ZDHHC11: variants seen among roughly 807,000 people sequenced by gnomAD.
The protein encoded by ZDHHC11 is zDHHC palmitoyltransferase 11.
A neutral mutation model predicts 51.3 loss-of-function variants in ZDHHC11; 44 were observed. The ratio of observed to expected loss-of-function variants is 0.86; its 90% CI spans 0.67 to 1.10. ZDHHC11 has a LOEUF of 1.10. Among genes scored for constraint, ZDHHC11 ranks in the 50% least tolerant of loss-of-function variants. The pLI, the probability that ZDHHC11 is intolerant of heterozygous loss-of-function variation, is 0.00. For missense variants in ZDHHC11, 400 were observed against 537.7 expected (o/e 0.74, Z 2.53); for synonymous variants, 163 against 222.0 (o/e 0.73, Z 2.36).
chr5:816,832 AC>A (rs1401949988), intron 10 of ZDHHC11: 19 of 473,606 alleles, frequency 4.0e-5, no homozygotes, highest in Admixed American at 2.2e-4. Context: ...TGGCAGATAC[AC>A]CCTGAAGCTG....
chr5:842,132 A>G (rs1419359647), intron 4 of ZDHHC11: 12 of 986,458 alleles, frequency 1.2e-5, no homozygotes, highest in Non-Finnish European at 1.4e-5. Flanking sequence ...GCCACAATCA[A>G]TGAATTCACA....
chr5:819,579 C>T lies in ZDHHC11; in HGVS notation c.1092G>A (p.Arg364=), dbSNP rs140350751. Residue 364 remains arginine, a synonymous_variant, in exon 10 of 13, where the codon AGG becomes AGA. Coordinates refer to ENST00000283441, the MANE Select transcript of ZDHHC11 (RefSeq NM_024786.3). ...CACGAGTGGAGAACTGACACAGGCG[C>T]CTGCAAATCAGCCGGGAGTTCCTGG... ...AKARNSRLIC[R]RLCQFSTRVH... is the part of the protein sequence containing the mutation. 1.2e-4 allele frequency: 193 copies of T among 1,609,690 alleles called. 1 individual carries two copies. The highest frequency in any genetic ancestry group is 8.3e-4 in the Admixed American group (50 of 59,884).
chr5:858,935 A>G (rs1051408712), exon 1 of ZDHHC11, among the ~76,000 whole-genome samples: 1 of 152,082 alleles, frequency 6.6e-6, no homozygotes, highest in Non-Finnish European at 1.5e-5. Context: ...GAAGAGCAAG[A>G]GAAAAGCAGC....
At chr5:853,740 G>A (rs1311530094), upstream of ZDHHC11, among the ~76,000 whole-genome samples, 5 of 145,156 alleles carry the variant, frequency 3.4e-5, no homozygotes, top group Non-Finnish European at 6.0e-5. Context: ...GAGCTGGGGA[G>A]ACAGATCCCA....
chr5:847,802 G>A, intron 2 of ZDHHC11, 187 bp from the exon 3 acceptor site: 1 of 566,286 alleles, frequency 1.8e-6, no homozygotes, highest in East Asian at 3.2e-5. Context: ...AGGAGAAGCA[G>A]GGCAGCTGTG....
intron 11 of ZDHHC11, among the ~76,000 whole-genome samples, chr5:814,093 A>T (rs1454012206): frequency 1.4e-5 from 2 of 143,022 alleles, no homozygotes; most frequent in Non-Finnish European, 3.0e-5. Context: ...CATTTTATGG[A>T]AAGAAAAATG....
intron 9 of ZDHHC11, chr5:821,271 C>CGGCGACATTGG (rs1440530138): frequency 2.6e-5 from 4 of 151,794 alleles, no homozygotes; most frequent in Non-Finnish European, 4.4e-5. Flanking sequence ...CAACAGTGTA[C>CGGCGACATTGG]GGCGACATTG....
chr5:801,807 T>G (rs556207926), intron 11 of ZDHHC11, among the ~76,000 whole-genome samples: 3 of 151,188 alleles, frequency 2.0e-5, no homozygotes, highest in South Asian at 2.1e-4. Context: ...TTGAAAGATT[T>G]TGAAAGACCC....
chr5:838,550 A>G (rs555671303), intron 5 of ZDHHC11, among the ~76,000 whole-genome samples: 11 of 152,146 alleles, frequency 7.2e-5, no homozygotes, highest in African/African-American at 2.6e-4. Flanking sequence ...TGTGAGGTAG[A>G]GAAGAAGCTC....
intron 5 of ZDHHC11, among the ~76,000 whole-genome samples, chr5:838,160 G>T (rs1258340355): frequency 1.3e-5 from 2 of 151,944 alleles, no homozygotes; most frequent in Admixed American, 6.6e-5. Context: ...GCCCTGCACA[G>T]TGCCCACAGG....
chr5:807,925 C>G (rs1186152995), intron 11 of ZDHHC11, among the ~76,000 whole-genome samples: 1 of 151,046 alleles, frequency 6.6e-6, no homozygotes, highest in Non-Finnish European at 1.5e-5. Context: ...TGGGGGATAT[C>G]AGAGCAACAG....
chr5:849,866 G>A (rs998087780), intron 1 of ZDHHC11: 1 of 159,346 alleles, frequency 6.3e-6, no homozygotes, highest in Admixed American at 6.0e-5. Context: ...GGAGTGCGGG[G>A]CCCTCCAGTC....
chr5:829,176 A>G (rs1258583043), intron 7 of ZDHHC11, among the ~76,000 whole-genome samples: 1 of 149,624 alleles, frequency 6.7e-6, no homozygotes, highest in African/African-American at 2.5e-5. Context: ...AATTCAAACA[A>G]AAAAACAAAA....
chr5:840,809 G>GC, intron 4 of ZDHHC11, 159 bp from the exon 5 acceptor site: 1 of 1,497,120 alleles, frequency 6.7e-7, no homozygotes, highest in South Asian at 1.3e-5. Flanking sequence ...TTACCTGAGT[G>GC]CCCCGTAGGC....
intron 11 of ZDHHC11, among the ~76,000 whole-genome samples, chr5:804,358 C>T (rs1461943701): frequency 1.3e-5 from 2 of 151,280 alleles, no homozygotes; most frequent in Non-Finnish European, 3.0e-5. Flanking sequence ...TTGGTACTAT[C>T]TACAGTTTCA....
chr5:827,893 C>G (rs1468483268), intron 7 of ZDHHC11, among the ~76,000 whole-genome samples: 8 of 150,990 alleles, frequency 5.3e-5, no homozygotes, highest in South Asian at 4.2e-4. Flanking sequence ...GCGGCCTTCC[C>G]CAGTGTTTGT....
At position 819,586 on chromosome 5, in the gene ZDHHC11, A is replaced by C; in HGVS notation, c.1085T>G (p.Ile362Ser). 6.2e-7 allele frequency: 1 copy of C among 1,609,694 alleles called. No homozygotes were observed. The highest frequency in any genetic ancestry group is 1.1e-5 in the South Asian group (1 of 90,940). ...GGAGAACTGACACAGGCGCCTGCAA[A>C]TCAGCCGGGAGTTCCTGGCCTTGGC... ...LGAKARNSRL[I>S]CRRLCQFSTR... Residue 362 changes from isoleucine to serine, a missense_variant, in exon 10 of 13, where the codon ATT becomes AGT. By Grantham distance (142) the Ile-to-Ser change is moderately radical (BLOSUM62 -2). Around this residue, in one of 5 missense-constraint regions of ZDHHC11, gnomAD observed 231 missense variants for 227.4 expected, o/e 1.02. Coordinates refer to ENST00000283441, the MANE Select transcript of ZDHHC11 (RefSeq NM_024786.3).
chr5:857,062 C>T (rs1331418666), intron 1 of ZDHHC11, among the ~76,000 whole-genome samples: 2 of 152,112 alleles, frequency 1.3e-5, no homozygotes, highest in African/African-American at 4.8e-5. Flanking sequence ...CACTCCCACA[C>T]ACACCACACA....
At chr5:803,955 GA>G (rs1276316938) in intron 11 of ZDHHC11, among the ~76,000 whole-genome samples, 70 of 136,792 alleles carry the variant, frequency 5.1e-4, no homozygotes, top group Non-Finnish European at 4.8e-4. Context: ...CTTAGGACCA[GA>G]AAAAAAAAAA....
Sources: allele counts gnomAD v4.1 joint callset (sites outside exome capture counted in the v4.1 genomes callset), GRCh38; gene constraint gnomAD v4.1.1; regional missense constraint gnomAD v4.1.1; transcripts MANE v1.5; gene names NCBI Gene and HGNC (gene_info 2026-07-23, HGNC 2026-07-21).